CSF2RA: variants seen among roughly 807,000 people sequenced by gnomAD.
The protein encoded by CSF2RA is granulocyte-macrophage colony-stimulating factor receptor subunit alpha.
CSF2RA carries 42 observed loss-of-function variants against 51.6 expected under a neutral mutation model. The ratio of observed to expected loss-of-function variants is 0.81; its 90% confidence interval spans 0.64 to 1.05. The LOEUF (loss-of-function observed/expected upper bound fraction) is 1.05. Among genes scored for constraint, CSF2RA ranks in the 50% least tolerant of loss-of-function variants. CSF2RA has a pLI of 0.00. For synonymous variants in CSF2RA, 222 were observed against 193.0 expected, an observed-to-expected ratio of 1.15 and a Z score of -1.24; for missense variants, 530 against 501.1, an observed-to-expected ratio of 1.06 and a Z score of -0.55.
At chrX:1,316,825 A>G in the CSF2RA span, among the ~76,000 whole-genome samples, 1 of 152,338 alleles carries the variant, frequency 6.6e-6, no homozygotes, top group South Asian at 2.1e-4. Flanking sequence ...CCAGCAGCCG[A>G]CGCCCCAGAC....
chrX:1,324,098 T>A, the CSF2RA span, among the ~76,000 whole-genome samples: 1 of 151,720 alleles, frequency 6.6e-6, no homozygotes. Context: ...GGTGGGAGGA[T>A]CACTTGAGTC....
chrX:1,280,889 C>CCTCCTCCTCCTCCTGCTCCTT (rs1569494269), intron 2 of CSF2RA, among the ~76,000 whole-genome samples: 12 of 134,604 alleles, frequency 8.9e-5, no homozygotes, highest in Admixed American at 1.5e-4. Flanking sequence ...TGCTCCTTCT[C>CCTCCTCCTCCTCCTGCTCCTT]CTCCTCCTCC....
intron 2 of CSF2RA, among the ~76,000 whole-genome samples, 185 bp downstream of exon 2, chrX:1,275,003 T>C (rs2088979182): frequency 6.7e-6 from 1 of 149,956 alleles, no homozygotes. Flanking sequence ...ACGTTCCCTC[T>C]GAGACAGTAC....
At chrX:1,288,138 G>A (rs2090977209) in intron 4 of CSF2RA, among the ~76,000 whole-genome samples, 2 of 152,066 alleles carry the variant, frequency 1.3e-5, no homozygotes, top group Admixed American at 1.3e-4. Context: ...GAAGCTTAGG[G>A]GGATGATTTC....
chrX:1,288,525 A>G lies in CSF2RA; in HGVS notation c.226A>G (p.Asn76Asp). Residue 76 changes from asparagine to aspartate, a missense_variant, in exon 5 of 13, where the codon AAC becomes GAC. By Grantham distance (23) the Asn-to-Asp change is conservative (BLOSUM62 1). Transcript: ENST00000381529. ...KNRVVEPRLS[N>D]NECSCTFREI... The stretch of plus-strand genomic sequence containing the variant: ...TCTGGTTGCAATTCTTCAGCTCAGT[A>G]ACAACGAATGTTCGTGCACATTTCG... 6.2e-7 allele frequency: 1 copy of G among 1,613,936 alleles called. No homozygotes were observed. Among genetic ancestry groups the G allele is most frequent in the Non-Finnish European group, 8.5e-7 (1 of 1,179,864 alleles).
At chrX:1,287,209 A>T (rs1329760274) in intron 4 of CSF2RA, 1 of 139,628 alleles carries the variant, frequency 7.2e-6, no homozygotes, top group Non-Finnish European at 1.5e-5. Flanking sequence ...GCTGGAGTAC[A>T]CTGGTGTGAT....
At chrX:1,285,965 C>G (rs763162018) in intron 4 of CSF2RA, 45 bp downstream of exon 4, 29 of 1,613,148 alleles carry the variant, frequency 1.8e-5, no homozygotes, top group South Asian at 4.4e-5. Flanking sequence ...TTACACACCC[C>G]TTTCTGAGTT....
At chrX:1,275,720 A>G (rs58631071) in intron 2 of CSF2RA, among the ~76,000 whole-genome samples, 2,824 of 150,476 alleles carry the variant, frequency 0.019, 93 homozygotes, top group African/African-American at 0.064. Context: ...CACCATGCCC[A>G]GCTAATTTTT....
the CSF2RA span, among the ~76,000 whole-genome samples, chrX:1,318,041 T>C: frequency 6.6e-6 from 1 of 151,686 alleles, no homozygotes; most frequent in Non-Finnish European, 1.5e-5. Context: ...CAGGCTGGAG[T>C]GCAGTGGAGC....
At chrX:1,322,606 A>C in the CSF2RA span, among the ~76,000 whole-genome samples, 1 of 150,588 alleles carries the variant, frequency 6.6e-6, no homozygotes, top group South Asian at 2.1e-4. Flanking sequence ...CTTTGTGGTC[A>C]CGCGGCAGCT....
chrX:1,323,849 A>G, the CSF2RA span, among the ~76,000 whole-genome samples: 2 of 151,340 alleles, frequency 1.3e-5, no homozygotes, highest in Non-Finnish European at 1.5e-5. Flanking sequence ...CCCGTCTCTA[A>G]TAAAAATACA....
In CSF2RA at chrX:1,298,712, C is replaced by G. The variant is rs779114862; in HGVS notation, c.811-1779C>G. Among the ~76,000 whole-genome samples, 9 of 39,730 alleles carry G rather than the reference C, an allele frequency of 2.3e-4. 2 individuals are homozygous for G. Among genetic ancestry groups the G allele is most frequent in the East Asian group, 4.9e-4 (1 of 2,034 alleles). The allele number at this position is 39,730 out of a possible 152,430, so 26.1% of individuals were successfully genotyped here. A position where few individuals can be genotyped will look rare whatever the true frequency, so the allele number is the denominator to read the frequency against. On this transcript the variant is annotated intron_variant, in intron 9 of 12. Transcript: ENST00000381529. Reference sequence around the variant, plus strand: ...CCTACCCATGACCTCTGGTGGAACCCTACAGTCCCCTACTCACGACCCCTA... The same window carrying G: ...CCTACCCATGACCTCTGGTGGAACCGTACAGTCCCCTACTCACGACCCCTA...
At chrX:1,276,299 A>G (rs1371553912) in intron 2 of CSF2RA, among the ~76,000 whole-genome samples, 1 of 151,466 alleles carries the variant, frequency 6.6e-6, no homozygotes, top group Non-Finnish European at 1.5e-5. Context: ...CTCCAGAAGT[A>G]CTGGGATTAC....
At chrX:1,322,276 T>C in the CSF2RA span, among the ~76,000 whole-genome samples, 1 of 150,564 alleles carries the variant, frequency 6.6e-6, no homozygotes, top group South Asian at 2.1e-4. Flanking sequence ...CGGCTATTTT[T>C]TTTTTTTTTG....
chrX:1,288,804 A>G lies in CSF2RA; in HGVS notation c.389A>G (p.Asn130Ser), dbSNP rs1364513008. 6.2e-6 allele frequency: 10 copies of G among 1,613,912 alleles called. No homozygotes were observed. The highest frequency in any genetic ancestry group is 8.5e-6 in the Non-Finnish European group (10 of 1,179,850). Residue 130 changes from asparagine to serine, a missense_variant, in exon 6 of 13, where the codon AAT becomes AGT. Physicochemically the swap from Asn to Ser is conservative, Grantham distance 46. Transcript: ENST00000381529. ...CAGAATTTCTCCTGTTTCATCTACA[A>G]TGCGGATTTAATGAACTGTACCTGG... ...AAQNFSCFIY[N>S]ADLMNCTWAR...
At chrX:1,313,431 T>C (rs1366295766), downstream of CSF2RA, among the ~76,000 whole-genome samples, 249 of 136,024 alleles carry the variant, frequency 1.8e-3, no homozygotes, top group Middle Eastern at 0.014. Flanking sequence ...GGAGCTGTGG[T>C]CAGGCACAGT....
At chrX:1,321,774 C>T in the CSF2RA span, among the ~76,000 whole-genome samples, 1 of 152,172 alleles carries the variant, frequency 6.6e-6, no homozygotes, top group Admixed American at 6.6e-5. Context: ...AGAACGTCCA[C>T]ATCAGGCAAC....
chrX:1,317,748 G>A, the CSF2RA span, among the ~76,000 whole-genome samples: 1 of 151,716 alleles, frequency 6.6e-6, no homozygotes, highest in East Asian at 1.9e-4. Flanking sequence ...GGAAGAAGAG[G>A]AAGAAGAGAA....
At chrX:1,285,432 G>A (rs145742205) in intron 3 of CSF2RA, among the ~76,000 whole-genome samples, 28,762 of 151,718 alleles carry the variant, frequency 0.19, 3,265 homozygotes, top group Non-Finnish European at 0.25. Flanking sequence ...GGTGGCTCAC[G>A]CCTGTTATCC....
Sources: allele counts gnomAD v4.1 joint callset (sites outside exome capture counted in the v4.1 genomes callset), GRCh38; gene constraint gnomAD v4.1.1; transcripts MANE v1.5; gene names NCBI Gene and HGNC (gene_info 2026-07-23, HGNC 2026-07-21).